The following EML5 variants were observed in gnomAD, a reference collection of about 807,000 sequenced individuals.
EML5 encodes the protein echinoderm microtubule-associated protein-like 5.
In EML5, 120 loss-of-function variants were observed where a neutral mutation model predicts 250.0. That is an observed-to-expected ratio of 0.48 (90% CI 0.41 to 0.56). The LOEUF is 0.56. Among genes scored for constraint, EML5 ranks in the 20% least tolerant of loss-of-function variants. The pLI, the probability that EML5 is intolerant of heterozygous loss-of-function variation, is 0.00. For synonymous variants in EML5, 771 were observed against 806.5 expected, an observed-to-expected ratio of 0.96 and a Z score of 0.75; for missense variants, 2,006 against 2,437.6, an observed-to-expected ratio of 0.82 and a Z score of 3.73.
At chr14:88,624,659 CCCATGGGCCT>C in intron 36 of EML5, 1 of 240,666 alleles carries the variant, frequency 4.2e-6, no homozygotes, top group East Asian at 1.1e-4. Context: ...TCCAGATTCC[CCCATGGGCCT>C]CCTACTCAGC....
intron 14 of EML5, among the ~76,000 whole-genome samples, chr14:88,700,451 G>A (rs1246055680): frequency 2.6e-5 from 4 of 151,936 alleles, no homozygotes; most frequent in Admixed American, 2.6e-4. Context: ...GGACAAACCA[G>A]GAGCATCCCT....
At position 88,774,100 on chromosome 14, in the gene EML5, G is replaced by C. The variant is rs190737018; in HGVS notation, c.197+18207C>G. On this transcript the variant is annotated intron_variant, in intron 1 of 43. Coordinates refer to ENST00000554922, the MANE Select transcript of EML5 (RefSeq NM_183387.3). ...GCCACTGCACTCCAGCCTGGGTGAC[G>C]AGAGCGAGACTCTGTCTCAAAAAAG... 2.0e-5 allele frequency among the ~76,000 whole-genome samples: 3 copies of C among 152,172 alleles called. 1 individual carries two copies. Among genetic ancestry groups the C allele is most frequent in the African/African-American group, 7.2e-5 (3 of 41,516 alleles).
rs1484969788 is a variant in EML5 at position 88,615,262 on chromosome 14, T to TA, written c.*555dup. 1 of 152,206 alleles carries TA rather than the reference T, an allele frequency of 6.6e-6. No homozygotes were observed. Among genetic ancestry groups the TA allele is most frequent in the Non-Finnish European group, 1.5e-5 (1 of 68,034 alleles). The allele number at this position is 152,206 out of a possible 1,614,324, so 9.4% of individuals were successfully genotyped here. On this transcript the variant is annotated 3_prime_UTR_variant, in exon 44 of 44. Coordinates refer to ENST00000554922, the MANE Select transcript of EML5 (RefSeq NM_183387.3). ...TATAAAAAAGGACCTTATTAATGCC[T>TA]AAAAAACATCATATTCTCTAGGAAA... is the stretch of plus-strand genomic sequence containing the variant.
intron 8 of EML5, among the ~76,000 whole-genome samples, chr14:88,721,837 A>G (rs760824599): frequency 6.6e-6 from 1 of 152,216 alleles, no homozygotes; most frequent in Non-Finnish European, 1.5e-5. Flanking sequence ...GGCAACCTAC[A>G]GAGTGGGAAA....
At chr14:88,663,174 T>C (rs2092185654) in intron 23 of EML5, 55 bp from the exon 24 acceptor site, 1 of 1,077,360 alleles carries the variant, frequency 9.3e-7, no homozygotes, top group South Asian at 1.9e-5. Context: ...CAAATATATA[T>C]ACCATCAGTA....
chr14:88,703,263 T>C, intron 13 of EML5, among the ~76,000 whole-genome samples: 1 of 152,214 alleles, frequency 6.6e-6, no homozygotes. Context: ...TAGAAAAGTA[T>C]ATTTGTATTT....
chr14:88,651,281 T>G (rs947826738), intron 27 of EML5, among the ~76,000 whole-genome samples: 1 of 151,680 alleles, frequency 6.6e-6, no homozygotes, highest in Admixed American at 6.6e-5. Flanking sequence ...GTTGAAATTG[T>G]AAAGTAAATT....
At chr14:88,715,467 TAATAAAG>T (rs2093476230) in intron 8 of EML5, among the ~76,000 whole-genome samples, 1 of 152,158 alleles carries the variant, frequency 6.6e-6, no homozygotes, top group African/African-American at 2.4e-5. Flanking sequence ...TTTCTGGAGT[TAATAAAG>T]AATAAAGGAA....
Position 88,738,526 on chromosome 14 carries a change from C to A in EML5, c.847+353G>T, listed in dbSNP as rs535236329. 3.3e-5 allele frequency among the ~76,000 whole-genome samples: 5 copies of A among 152,072 alleles called. No homozygotes were observed. The South Asian group carries it at 1.0e-3, about 32-fold the overall frequency. On this transcript the variant is annotated intron_variant, in intron 6 of 43. Transcript: ENST00000554922. ...GTTTCCCAACCCTCAATATTTACCCCCAACTGTTTATTTAGAATAGTTTGT... is the reference window on the plus strand; with the variant it reads ...GTTTCCCAACCCTCAATATTTACCCACAACTGTTTATTTAGAATAGTTTGT...
At chr14:88,767,810 C>T (rs1301629778) in intron 1 of EML5, among the ~76,000 whole-genome samples, 2 of 152,028 alleles carry the variant, frequency 1.3e-5, no homozygotes, top group African/African-American at 4.8e-5. Context: ...TTTTACATAA[C>T]CATATAGTAA....
intron 31 of EML5, 59 bp downstream of exon 31, chr14:88,642,834 A>T: frequency 6.6e-7 from 1 of 1,508,528 alleles, no homozygotes; most frequent in Non-Finnish European, 8.9e-7. Context: ...TTAAGCTGCT[A>T]GATCAAAATT....
At chr14:88,784,921 G>A (rs905946766) in intron 1 of EML5, among the ~76,000 whole-genome samples, 2 of 152,176 alleles carry the variant, frequency 1.3e-5, no homozygotes, top group East Asian at 3.8e-4. Context: ...GTTCACAATA[G>A]CTAAGATTCG....
chr14:88,641,080 C>A (rs974125259), intron 31 of EML5, among the ~76,000 whole-genome samples: 1 of 152,062 alleles, frequency 6.6e-6, no homozygotes, highest in African/African-American at 2.4e-5. Flanking sequence ...AAACTGAAAT[C>A]TTAAACAGAC....
At chr14:88,724,845 C>T (rs1307000384) in intron 8 of EML5, among the ~76,000 whole-genome samples, 1 of 152,094 alleles carries the variant, frequency 6.6e-6, no homozygotes, top group Non-Finnish European at 1.5e-5. Flanking sequence ...AGAAAAAGAA[C>T]AGATGTTTAA....
intron 28 of EML5, among the ~76,000 whole-genome samples, chr14:88,647,993 G>A (rs2091438786): frequency 6.6e-6 from 1 of 152,124 alleles, no homozygotes; most frequent in Non-Finnish European, 1.5e-5. Context: ...ACCTAAGAGG[G>A]TTCCCCAGTC....
At chr14:88,779,355 C>G (rs976031234) in intron 1 of EML5, among the ~76,000 whole-genome samples, 2 of 152,124 alleles carry the variant, frequency 1.3e-5, no homozygotes, top group Non-Finnish European at 2.9e-5. Flanking sequence ...GGGAACTGAA[C>G]CAGATCCTGC....
chr14:88,689,475 C>A (rs2092910695), intron 17 of EML5, among the ~76,000 whole-genome samples: 1 of 152,218 alleles, frequency 6.6e-6, no homozygotes. Context: ...TGCTAGATCA[C>A]ATTTTCATAT....
chr14:88,649,040 C>T (rs1436126303), intron 28 of EML5, among the ~76,000 whole-genome samples: 3 of 151,714 alleles, frequency 2.0e-5, no homozygotes, highest in East Asian at 3.9e-4. Context: ...CCGCCACCCC[C>T]CACCCCCGAA....
chr14:88,693,019 A>T (rs368713975), intron 17 of EML5, among the ~76,000 whole-genome samples: 1 of 152,226 alleles, frequency 6.6e-6, no homozygotes, highest in East Asian at 1.9e-4. Context: ...TTTAGAAAAC[A>T]GACATTTTTT....
Sources: gnomAD v4.1 joint callset for allele counts (sites outside exome capture counted in the v4.1 genomes callset) on GRCh38, gnomAD v4.1.1 for gene constraint, MANE v1.5 for transcripts, NCBI Gene and HGNC (gene_info 2026-07-23, HGNC 2026-07-21) for gene names.